TENM2: variants seen among roughly 807,000 people sequenced by gnomAD.
TENM2 encodes the protein teneurin transmembrane protein 2.
Under a neutral mutation model 245.2 loss-of-function variants are expected in TENM2, and 52 were observed. That is an observed-to-expected ratio of 0.21 (90% CI 0.17 to 0.27). TENM2 has a LOEUF of 0.27. Ranked by LOEUF, TENM2 falls within the 10% of genes least tolerant of loss-of-function variation. TENM2 has a pLI of 1.00. For missense variants in TENM2, 3,046 were observed against 3,666.8 expected (o/e 0.83, Z 4.37); for synonymous variants, 1,363 against 1,438.9 (o/e 0.95, Z 1.19).
intron 3 of TENM2, among the ~76,000 whole-genome samples, chr5:167,876,463 G>T (rs1773435278): frequency 6.6e-6 from 1 of 152,270 alleles, no homozygotes; most frequent in South Asian, 2.1e-4. Flanking sequence ...TGAGCATGCT[G>T]GTCTCAAAGG....
At chr5:167,774,103 C>G (rs1157359224) in intron 2 of TENM2, among the ~76,000 whole-genome samples, 2 of 149,040 alleles carry the variant, frequency 1.3e-5, no homozygotes, top group Non-Finnish European at 3.0e-5. Context: ...AAGAGCTGCT[C>G]CAGCTGCCAA....
chr5:168,024,285 T>G (rs1032783028), intron 5 of TENM2, among the ~76,000 whole-genome samples: 2 of 152,134 alleles, frequency 1.3e-5, no homozygotes, highest in Non-Finnish European at 2.9e-5. Flanking sequence ...TAAAGAGGGG[T>G]AATTGGAGCT....
intron 2 of TENM2, among the ~76,000 whole-genome samples, chr5:167,500,565 G>A (rs573741654): frequency 3.9e-5 from 6 of 152,264 alleles, no homozygotes; most frequent in African/African-American, 1.4e-4. Flanking sequence ...ATCGTGAGAT[G>A]GTGAAGAACT....
chr5:168,041,793 A>T (rs1478571887), intron 5 of TENM2, among the ~76,000 whole-genome samples: 1 of 152,236 alleles, frequency 6.6e-6, no homozygotes, highest in Non-Finnish European at 1.5e-5. Context: ...CTGGCAAATT[A>T]TGAATATATG....
chr5:167,017,078 C>T, the TENM2 span, among the ~76,000 whole-genome samples: 2 of 152,192 alleles, frequency 1.3e-5, no homozygotes, highest in Non-Finnish European at 2.9e-5. Context: ...CTTTTCTCTT[C>T]CCTCCCATTG....
chr5:167,678,162 G>A (rs905973270), intron 2 of TENM2, among the ~76,000 whole-genome samples: 2 of 151,970 alleles, frequency 1.3e-5, no homozygotes, highest in Admixed American at 6.6e-5. Flanking sequence ...AATTATGACT[G>A]TCTCTAGATA....
the TENM2 span, among the ~76,000 whole-genome samples, chr5:167,135,768 C>T: frequency 1.3e-5 from 2 of 152,158 alleles, no homozygotes; most frequent in Admixed American, 1.3e-4. Context: ...TGCACTCCAG[C>T]ATGGGCAACA....
chr5:168,072,007 G>C (rs574155528), intron 7 of TENM2, among the ~76,000 whole-genome samples: 1 of 152,160 alleles, frequency 6.6e-6, no homozygotes, highest in African/African-American at 2.4e-5. Context: ...TCTGTTCCTC[G>C]TTAGGGCTTG....
At chr5:167,615,765 A>C (rs1404056458) in intron 2 of TENM2, among the ~76,000 whole-genome samples, 1 of 152,144 alleles carries the variant, frequency 6.6e-6, no homozygotes, top group East Asian at 1.9e-4. Flanking sequence ...AAGAAAGGCA[A>C]GCAATCACCA....
rs772516791 is a variant in TENM2, at chr5:168,247,635, C to T, written c.6696C>T (p.Leu2232=). The T allele has an allele frequency of 1.1e-5, 17 of 1,613,782 alleles. No homozygotes were observed. Among genetic ancestry groups the T allele is most frequent in the Non-Finnish European group, 1.4e-5 (17 of 1,179,898 alleles). ...ACAGCTATGACCTTAATGGGAATCT[C>T]CACTTACTGAACCCAGGCAACAGTG... The change falls in exon 27 of 29, where the codon CTC becomes CTT. Residue 2232 remains leucine, a synonymous_variant. Coordinates refer to ENST00000518659, the Ensembl canonical transcript of TENM2. The surrounding 1 kb of genome is among the most constrained non-coding windows in gnomAD (Gnocchi z 7.8).
intron 3 of TENM2, among the ~76,000 whole-genome samples, chr5:167,924,648 A>G (rs1229756608): frequency 1.3e-5 from 2 of 152,186 alleles, no homozygotes; most frequent in Non-Finnish European, 2.9e-5. Context: ...TGTCAAAGTA[A>G]AGTGGGAGGA....
upstream of TENM2, among the ~76,000 whole-genome samples, chr5:167,283,099 C>A (rs1028122241): frequency 6.6e-6 from 1 of 151,810 alleles, no homozygotes; most frequent in South Asian, 2.1e-4. Context: ...GGCTGGAGTG[C>A]AATGGCAGAT....
At chr5:168,181,656 TAC>T (rs954467695) in intron 13 of TENM2, among the ~76,000 whole-genome samples, 25 of 145,930 alleles carry the variant, frequency 1.7e-4, no homozygotes, top group African/African-American at 5.8e-4. Flanking sequence ...GGAGTGCAAA[TAC>T]AGTTTTACTT....
chr5:167,200,132 C>A, the TENM2 span, among the ~76,000 whole-genome samples: 3 of 152,024 alleles, frequency 2.0e-5, no homozygotes, highest in Non-Finnish European at 2.9e-5. Flanking sequence ...GAAAGTAAGA[C>A]AGAAATACCT....
chr5:167,655,412 TG>T (rs1561642916), intron 2 of TENM2, among the ~76,000 whole-genome samples: 1 of 152,208 alleles, frequency 6.6e-6, no homozygotes, highest in Non-Finnish European at 1.5e-5. Context: ...GGCCACCTCT[TG>T]ACCAAGGAAA....
At chr5:168,212,027 T>A (rs187101263) in intron 20 of TENM2, among the ~76,000 whole-genome samples, 2 of 152,186 alleles carry the variant, frequency 1.3e-5, no homozygotes, top group Non-Finnish European at 2.9e-5. Flanking sequence ...CTATCCCGAC[T>A]GCTCAGTGCG....
intron 5 of TENM2, among the ~76,000 whole-genome samples, chr5:168,044,106 T>C (rs910974746): frequency 6.6e-6 from 1 of 152,214 alleles, no homozygotes; most frequent in Non-Finnish European, 1.5e-5. Flanking sequence ...TCTACTATGG[T>C]ACCTGGCTAT....
chr5:167,075,536 C>G, the TENM2 span, among the ~76,000 whole-genome samples: 271 of 152,282 alleles, frequency 1.8e-3, no homozygotes, highest in African/African-American at 6.1e-3. Context: ...CTTAGAATCT[C>G]AAGTTCAGAG....
At chr5:167,934,991 G>A (rs931601009) in intron 3 of TENM2, 1 of 876,404 alleles carries the variant, frequency 1.1e-6, no homozygotes, top group Non-Finnish European at 1.4e-6. Context: ...AAAGAAAACA[G>A]TAGGTGTCAT....
Sources: allele counts gnomAD v4.1 joint callset (sites outside exome capture counted in the v4.1 genomes callset), GRCh38; gene constraint gnomAD v4.1.1; non-coding constraint Gnocchi (gnomAD v3.1); transcripts MANE v1.5; gene names NCBI Gene and HGNC (gene_info 2026-07-23, HGNC 2026-07-21).